Variants in TTC28 observed in about 807,000 individuals in gnomAD.
The protein encoded by TTC28 is tetratricopeptide repeat protein 28.
TTC28 carries 61 observed loss-of-function variants against 198.0 expected under a neutral mutation model. That is an observed-to-expected ratio of 0.31 (90% CI 0.25 to 0.38). TTC28 has a LOEUF of 0.38. TTC28 is among the 10% of genes least tolerant of loss of function. The probability of loss-of-function intolerance (pLI) is 1.00; values close to 1 mark genes in which losing one functional copy is unlikely to be tolerated. For synonymous variants in TTC28, 1,171 were observed against 1,297.8 expected, an observed-to-expected ratio of 0.90 and a Z score of 2.10; for missense variants, 2,678 against 3,164.0, an observed-to-expected ratio of 0.85 and a Z score of 3.69.
chr22:28,130,296 T>C (rs943786615), intron 6 of TTC28, among the ~76,000 whole-genome samples: 2 of 152,134 alleles, frequency 1.3e-5, no homozygotes, highest in Non-Finnish European at 2.9e-5. Context: ...AAGATATTGC[T>C]CCCTTTGCTC....
At chr22:28,371,509 C>CAAAAAAAA (rs1229801209) in intron 2 of TTC28, among the ~76,000 whole-genome samples, 117 of 6,094 alleles carry the variant, frequency 0.019, 29 homozygotes, top group South Asian at 0.045. Context: ...GACCCTGTCT[C>CAAAAAAAA]AAAAAAAAAA....
intron 5 of TTC28, among the ~76,000 whole-genome samples, chr22:28,255,731 G>A (rs575211653): frequency 6.6e-6 from 1 of 151,572 alleles, no homozygotes; most frequent in Admixed American, 6.6e-5. Context: ...CCTCTAGTAT[G>A]GCAACTGGTG....
At chr22:27,998,290 A>G in intron 16 of TTC28, 1 of 611,864 alleles carries the variant, frequency 1.6e-6, no homozygotes, top group Non-Finnish European at 2.8e-6. Context: ...CACTGACATC[A>G]GGAGGAGTTT....
At chr22:27,984,999 C>T (rs1482706418) in intron 22 of TTC28, among the ~76,000 whole-genome samples, 1 of 152,176 alleles carries the variant, frequency 6.6e-6, no homozygotes, top group Non-Finnish European at 1.5e-5. Context: ...TCTGCTCTGC[C>T]ACCACCCTCT....
chr22:27,997,769 G>A lies in TTC28; in HGVS notation c.5119+771C>T, dbSNP rs992817451. ...GTTGGTAAAACAGTCCCGGCTGGCC[G>A]AGAGGCCACTGAGGGAACAGGCCCA... On this transcript the variant is annotated intron_variant, in intron 16 of 22. Transcript: ENST00000397906. The A allele has an allele frequency of 2.0e-5, 3 of 152,330 alleles. 1 individual carries two copies. The highest frequency in any genetic ancestry group is 1.9e-4 in the East Asian group (1 of 5,190). 9.4% of individuals were successfully genotyped at this position (152,330 alleles called of 1,614,324 possible). A position where few individuals can be genotyped will look rare whatever the true frequency, so the allele number is the denominator to read the frequency against.
At chr22:28,268,010 G>C (rs1931796455) in intron 5 of TTC28, among the ~76,000 whole-genome samples, 1 of 152,156 alleles carries the variant, frequency 6.6e-6, no homozygotes. Context: ...TCAACGCCTA[G>C]TGTGCCATCA....
intron 2 of TTC28, among the ~76,000 whole-genome samples, chr22:28,415,231 A>G (rs995545343): frequency 8.5e-5 from 13 of 152,196 alleles, no homozygotes; most frequent in Admixed American, 5.2e-4. Context: ...AGAAGATATT[A>G]TCAGATAAAT....
intron 3 of TTC28, among the ~76,000 whole-genome samples, chr22:28,304,293 A>C (rs1244127725): frequency 1.3e-5 from 2 of 152,084 alleles, no homozygotes; most frequent in Non-Finnish European, 2.9e-5. Flanking sequence ...TCAAAAAAAA[A>C]AAAAAGTAGG....
At chr22:28,324,669 G>C (rs1476831676) in intron 2 of TTC28, among the ~76,000 whole-genome samples, 5 of 152,218 alleles carry the variant, frequency 3.3e-5, no homozygotes, top group Middle Eastern at 3.4e-3. Context: ...ATGCAGAAAA[G>C]GCCTTCGATA....
chr22:28,572,890 T>C (rs940649394), intron 2 of TTC28, among the ~76,000 whole-genome samples: 1 of 152,140 alleles, frequency 6.6e-6, no homozygotes, highest in Non-Finnish European at 1.5e-5. Flanking sequence ...GGCTTACACC[T>C]GTAATCCCAA....
chr22:27,999,372 C>T, intron 15 of TTC28, 112 bp from the exon 16 acceptor site: 1 of 1,403,912 alleles, frequency 7.1e-7, no homozygotes, highest in Non-Finnish European at 9.4e-7. Context: ...GAGCTTGAAT[C>T]CACCTGTTTC....
At chr22:28,024,292 CTG>C (rs1478754937) in intron 13 of TTC28, among the ~76,000 whole-genome samples, 1 of 152,182 alleles carries the variant, frequency 6.6e-6, no homozygotes, top group Non-Finnish European at 1.5e-5. Flanking sequence ...GTGAAAGATG[CTG>C]TGTTTGAGAC....
At chr22:28,448,703 T>TA (rs954278642) in intron 2 of TTC28, among the ~76,000 whole-genome samples, 1 of 152,098 alleles carries the variant, frequency 6.6e-6, no homozygotes, top group Non-Finnish European at 1.5e-5. Flanking sequence ...GAAATTAAAA[T>TA]AACTTGTTGC....
chr22:28,560,153 C>T (rs965542172), intron 2 of TTC28, among the ~76,000 whole-genome samples: 3 of 152,220 alleles, frequency 2.0e-5, no homozygotes, highest in African/African-American at 7.2e-5. Flanking sequence ...CGCTTTCTTT[C>T]ACAACCCAAA....
intron 21 of TTC28, among the ~76,000 whole-genome samples, chr22:27,987,209 C>T (rs1937243055): frequency 6.6e-6 from 1 of 152,240 alleles, no homozygotes; most frequent in African/African-American, 2.4e-5. Context: ...GTATCAGTGG[C>T]TCTTGGAAAA....
chr22:28,370,792 G>A (rs531135552), intron 2 of TTC28, among the ~76,000 whole-genome samples: 48 of 152,274 alleles, frequency 3.2e-4, no homozygotes, highest in Non-Finnish European at 5.9e-4. Context: ...GGGAGTAAGA[G>A]AAAAGGAACA....
At chr22:28,296,770 T>C (rs1376887045) in intron 4 of TTC28, among the ~76,000 whole-genome samples, 1 of 152,200 alleles carries the variant, frequency 6.6e-6, no homozygotes, top group Non-Finnish European at 1.5e-5. Context: ...ACTCCAATCC[T>C]GTAAGTCCTT....
In TTC28 at chr22:28,519,639, T is replaced by C. The variant is rs1255405831; in HGVS notation, c.381+109913A>G. On this transcript the variant is annotated intron_variant, in intron 2 of 22. Transcript: ENST00000397906. Reference sequence around the variant, plus strand: ...GGTAACTGTGCATGCCTGAGGACTTTACCAGACCTCCCCTTTCCTTTCACC... The same window carrying C: ...GGTAACTGTGCATGCCTGAGGACTTCACCAGACCTCCCCTTTCCTTTCACC... 6.6e-5 allele frequency among the ~76,000 whole-genome samples: 10 copies of C among 152,228 alleles called. No homozygotes were observed. In the East Asian group the frequency reaches 1.9e-3, roughly 29 times the overall value.
rs76493484 is a variant in TTC28 at position 28,361,881 on chromosome 22, T to C, written c.382-55238A>G. On this transcript the variant is annotated intron_variant, in intron 2 of 22. Transcript: ENST00000397906. Reference sequence around the variant, plus strand: ...AATCTACTCACCTATGCCCTACAAATGAAACAACAATGCCTGAATGATGGC... The same window carrying C: ...AATCTACTCACCTATGCCCTACAAACGAAACAACAATGCCTGAATGATGGC... 6.8e-3 allele frequency among the ~76,000 whole-genome samples: 1,040 copies of C among 152,278 alleles called. 5 individuals are homozygous for C. The highest frequency in any genetic ancestry group is 0.011 in the Non-Finnish European group (758 of 68,016).
Sources: gnomAD v4.1 joint callset for allele counts (sites outside exome capture counted in the v4.1 genomes callset) on GRCh38, gnomAD v4.1.1 for gene constraint, MANE v1.5 for transcripts, NCBI Gene and HGNC (gene_info 2026-07-23, HGNC 2026-07-21) for gene names.